MB21D2: variants seen among roughly 807,000 people sequenced by gnomAD.
The protein encoded by MB21D2 is Mab-21 domain containing 2, also known as nucleotidyltransferase MB21D2.
In MB21D2, 9 loss-of-function variants were observed where a neutral mutation model predicts 33.3. That is an observed-to-expected ratio of 0.27 (90% CI 0.16 to 0.47). MB21D2 has a LOEUF of 0.47. Among genes scored for constraint, MB21D2 ranks in the 20% least tolerant of loss-of-function variants. The pLI is 0.99. For synonymous variants in MB21D2, 241 were observed against 236.3 expected (o/e 1.02, Z -0.18); for missense variants, 540 against 624.6 (o/e 0.86, Z 1.44).
At chr3:192,879,261 G>A (rs1034779501) in intron 1 of MB21D2, among the ~76,000 whole-genome samples, 2 of 152,188 alleles carry the variant, frequency 1.3e-5, no homozygotes, top group Non-Finnish European at 1.5e-5. Context: ...AAGAGATTCC[G>A]AGGGACCAGA....
chr3:192,881,021 G>A (rs968486803), intron 1 of MB21D2, among the ~76,000 whole-genome samples: 1 of 151,902 alleles, frequency 6.6e-6, no homozygotes, highest in Non-Finnish European at 1.5e-5. Context: ...ACATATAGAT[G>A]TATGTATTTA....
At chr3:192,808,813 G>GCCTA (rs571919138) in intron 1 of MB21D2, among the ~76,000 whole-genome samples, 155 of 152,290 alleles carry the variant, frequency 1.0e-3, no homozygotes, top group Non-Finnish European at 1.7e-3. Context: ...TTCTCATCTG[G>GCCTA]CCTACTCTAT....
At chr3:192,839,628 A>G (rs1712526040) in intron 1 of MB21D2, among the ~76,000 whole-genome samples, 2 of 152,210 alleles carry the variant, frequency 1.3e-5, no homozygotes, top group Admixed American at 6.5e-5. Context: ...GTGTGTGTGT[A>G]TATTATTTAC....
chr3:192,890,357 T>C (rs947398406), intron 1 of MB21D2, among the ~76,000 whole-genome samples: 15 of 151,958 alleles, frequency 9.9e-5, no homozygotes, highest in African/African-American at 3.6e-4. Flanking sequence ...TTCAAGGCAA[T>C]ATACTTAGGG....
At chr3:192,837,075 G>A (rs1011675715) in intron 1 of MB21D2, among the ~76,000 whole-genome samples, 2 of 152,124 alleles carry the variant, frequency 1.3e-5, no homozygotes, top group Non-Finnish European at 2.9e-5. Context: ...TCAGGATTAT[G>A]ACATTGAAGA....
chr3:192,914,664 A>C (rs1237052332), intron 1 of MB21D2, among the ~76,000 whole-genome samples: 3 of 152,194 alleles, frequency 2.0e-5, no homozygotes, highest in Non-Finnish European at 4.4e-5. Context: ...ACCAAGGTAC[A>C]GAGGAATAAG....
At chr3:192,827,220 A>G (rs1451057209) in intron 1 of MB21D2, among the ~76,000 whole-genome samples, 1 of 152,090 alleles carries the variant, frequency 6.6e-6, no homozygotes, top group Non-Finnish European at 1.5e-5. Flanking sequence ...AAGGGCAAAA[A>G]GTATAAAAGA....
intron 1 of MB21D2, among the ~76,000 whole-genome samples, chr3:192,823,554 C>T (rs186374738): frequency 1.5e-3 from 229 of 152,214 alleles, no homozygotes; most frequent in African/African-American, 5.3e-3. Flanking sequence ...ACTCGGGAGG[C>T]TGAGGCAAGA....
At chr3:192,902,517 A>C (rs1714124612) in intron 1 of MB21D2, among the ~76,000 whole-genome samples, 1 of 152,234 alleles carries the variant, frequency 6.6e-6, no homozygotes, top group Non-Finnish European at 1.5e-5. Context: ...TCGCCTAGCC[A>C]ACAGTGAGGA....
At chr3:192,886,819 T>G (rs1249003784) in intron 1 of MB21D2, among the ~76,000 whole-genome samples, 1 of 152,118 alleles carries the variant, frequency 6.6e-6, no homozygotes, top group Non-Finnish European at 1.5e-5. Context: ...TTACCTAAAA[T>G]AACGAAAGAG....
chr3:192,891,925 G>A (rs185081590), intron 1 of MB21D2, among the ~76,000 whole-genome samples: 11 of 151,996 alleles, frequency 7.2e-5, no homozygotes, highest in Non-Finnish European at 7.3e-5. Context: ...TGGTTGATTC[G>A]ACTTTAGGCC....
chr3:192,874,958 C>T (rs1442428052), intron 1 of MB21D2, among the ~76,000 whole-genome samples: 2 of 151,794 alleles, frequency 1.3e-5, no homozygotes, highest in Non-Finnish European at 2.9e-5. Flanking sequence ...GCACTGAAGA[C>T]GCACCATCTA....
intron 1 of MB21D2, among the ~76,000 whole-genome samples, chr3:192,893,794 G>A (rs1295239348): frequency 6.6e-6 from 1 of 152,120 alleles, no homozygotes; most frequent in East Asian, 1.9e-4. Flanking sequence ...CAGCACTTTG[G>A]GAGGCCCACG....
chr3:192,855,046 G>C (rs1166909120), intron 1 of MB21D2, among the ~76,000 whole-genome samples: 2 of 152,212 alleles, frequency 1.3e-5, no homozygotes, highest in African/African-American at 2.4e-5. Context: ...GTACCAATGA[G>C]TAATTGTGAA....
intron 1 of MB21D2, among the ~76,000 whole-genome samples, chr3:192,858,636 A>G (rs1712971019): frequency 1.3e-5 from 2 of 152,180 alleles, no homozygotes; most frequent in Admixed American, 1.3e-4. Context: ...GAACTCAATT[A>G]AAAAATGGAC....
chr3:192,841,978 A>G (rs1712583082), intron 1 of MB21D2, among the ~76,000 whole-genome samples: 1 of 152,210 alleles, frequency 6.6e-6, no homozygotes, highest in South Asian at 2.1e-4. Flanking sequence ...CAGTGGGTCA[A>G]GAGCCAGGGA....
intron 1 of MB21D2, among the ~76,000 whole-genome samples, chr3:192,906,929 C>T (rs1714228038): frequency 6.6e-6 from 1 of 152,256 alleles, no homozygotes. Flanking sequence ...CTAAACAAGA[C>T]TTATACCAAC....
At chr3:192,871,983 G>A (rs1298698424) in intron 1 of MB21D2, among the ~76,000 whole-genome samples, 2 of 152,162 alleles carry the variant, frequency 1.3e-5, no homozygotes, top group Non-Finnish European at 2.9e-5. Context: ...TGGAGGTAGA[G>A]CTGAACTAAT....
rs115880906 is a variant in MB21D2, at chr3:192,863,837, A to T, written c.211+53793T>A. 3.7e-3 allele frequency among the ~76,000 whole-genome samples: 567 copies of T among 152,332 alleles called. 3 individuals carry two copies. Among genetic ancestry groups the T allele is most frequent in the Non-Finnish European group, 4.7e-3 (321 of 68,022 alleles). On this transcript the variant is annotated intron_variant, in intron 1 of 1. Coordinates refer to ENST00000392452, the MANE Select transcript of MB21D2 (RefSeq NM_178496.4). ...GTGAAACAACAGCTGTCTGTGAACC[A>T]GGAAAGGGAGCTTCGCCAGACACCA...
Sources: gnomAD v4.1 joint callset for allele counts (sites outside exome capture counted in the v4.1 genomes callset) on GRCh38, gnomAD v4.1.1 for gene constraint, MANE v1.5 for transcripts, NCBI Gene and HGNC (gene_info 2026-07-23, HGNC 2026-07-21) for gene names.